The following MGAT4A variants were observed in gnomAD, a reference collection of about 807,000 sequenced individuals.
MGAT4A encodes N-acetylglucosaminyltransferase IVa.
In MGAT4A, 33 loss-of-function variants were observed where a neutral mutation model predicts 74.1. That is an observed-to-expected ratio of 0.45 (90% confidence interval 0.34 to 0.60). The LOEUF (loss-of-function observed/expected upper bound fraction) is 0.60, where lower values mean the gene tolerates loss of function less well. MGAT4A is among the 20% of genes least tolerant of loss of function. The pLI is 0.02. For missense variants in MGAT4A, 479 were observed against 628.3 expected, an observed-to-expected ratio of 0.76 and a Z score of 2.54; for synonymous variants, 198 against 210.4, an observed-to-expected ratio of 0.94 and a Z score of 0.51.
intron 8 of MGAT4A, among the ~76,000 whole-genome samples, chr2:98,647,373 G>C (rs1306822696): frequency 6.6e-6 from 1 of 152,134 alleles, no homozygotes; most frequent in East Asian, 1.9e-4. Context: ...GGAGTGCAGT[G>C]GTACAATCTC....
Position 98,678,359 on chromosome 2 carries a change from G to C in MGAT4A, c.207C>G (p.Phe69Leu), listed in dbSNP as rs770106129. The change falls in exon 3 of 16, where the codon TTC (phenylalanine) becomes TTG (leucine). Residue 69 changes from phenylalanine (F) to leucine (L), a missense_variant. This residue lies in a region of MGAT4A where 205 missense variants were observed against 232.7 expected (regional missense o/e 0.88). Transcript: ENST00000393487. ...SSELNTIVQQ[F>L]KRVGAETNGS... ...CATTTGTTTCTGCTCCTACACGCTT[G>C]AACTGTTGCACAATCGTATTTAATT... is the stretch of plus-strand genomic sequence containing the variant. 1 of 1,559,194 alleles carries C rather than the reference G, an allele frequency of 6.4e-7. No homozygotes were observed. The highest frequency in any genetic ancestry group is 1.2e-5 in the South Asian group (1 of 81,386).
intron 8 of MGAT4A, among the ~76,000 whole-genome samples, chr2:98,655,232 C>T (rs1486321834): frequency 6.6e-6 from 1 of 152,002 alleles, no homozygotes; most frequent in African/African-American, 2.4e-5. Context: ...TTGCAGGTCC[C>T]CCGCTAAGTG....
intron 6 of MGAT4A, 125 bp from the exon 7 acceptor site, chr2:98,656,590 C>T (rs1328030943): frequency 1.7e-6 from 1 of 599,908 alleles, no homozygotes; most frequent in African/African-American, 1.9e-5. Flanking sequence ...AATGTTATGG[C>T]CGCAAGGTGT....
intron 12 of MGAT4A, among the ~76,000 whole-genome samples, chr2:98,638,474 C>T (rs1304713535): frequency 6.6e-6 from 1 of 152,194 alleles, no homozygotes; most frequent in Admixed American, 6.5e-5. Context: ...TTGATGACTG[C>T]TTACAGCATT....
chr2:98,647,516 A>G (rs1701507761), intron 8 of MGAT4A, among the ~76,000 whole-genome samples: 1 of 152,076 alleles, frequency 6.6e-6, no homozygotes, highest in South Asian at 2.1e-4. Context: ...ATGAGGTTTC[A>G]CCATGTTGGC....
At position 98,658,283 on chromosome 2, in the gene MGAT4A, G is replaced by A. The variant is rs575624015; in HGVS notation, c.538-19C>T. The A allele has an allele frequency of 6.8e-7, 1 of 1,477,988 alleles. No homozygotes were observed. The highest frequency in any genetic ancestry group is 9.2e-7 in the Non-Finnish European group (1 of 1,082,788). The allele number at this position is 1,477,988 out of a possible 1,614,324, so 91.6% of individuals were successfully genotyped here. On this transcript the variant is annotated intron_variant, in intron 5 of 15. Transcript: ENST00000393487. ...TATCTGTCTGGGAAAGAAAAAAAAT[G>A]TATCTATATTCAAGTTTTTATATTT... is the stretch of plus-strand genomic sequence containing the variant.
chr2:98,707,026 G>C (rs904573876), intron 2 of MGAT4A, among the ~76,000 whole-genome samples: 1 of 152,098 alleles, frequency 6.6e-6, no homozygotes, highest in Non-Finnish European at 1.5e-5. Context: ...GACCATCCTG[G>C]CCAACATGGT....
chr2:98,696,364 T>G (rs1010122920), intron 2 of MGAT4A, among the ~76,000 whole-genome samples: 3 of 152,228 alleles, frequency 2.0e-5, no homozygotes, highest in African/African-American at 7.2e-5. Flanking sequence ...TATCACATAT[T>G]GTAGAGGTCA....
Position 98,622,715 on chromosome 2 carries a change from T to C in MGAT4A, c.*2851A>G, listed in dbSNP as rs1701078868. The C allele has an allele frequency of 3.0e-6, 3 of 985,746 alleles. No individual in the cohort carries two copies. The highest frequency in any genetic ancestry group is 3.6e-6 in the Non-Finnish European group (3 of 830,194). The allele number at this position is 985,746 out of a possible 1,614,324, so 61.1% of individuals were successfully genotyped here. A position where few individuals can be genotyped will look rare whatever the true frequency, so the allele number is the denominator to read the frequency against. ...AGCACCCACCATAGGAGAGGACAGA[T>C]GAGCAGTATGAGCTGCAGGCTCGCC... On this transcript the variant is annotated 3_prime_UTR_variant, in exon 16 of 16. Transcript: ENST00000393487.
At chr2:98,638,300 T>C (rs1701353837) in intron 12 of MGAT4A, among the ~76,000 whole-genome samples, 1 of 152,220 alleles carries the variant, frequency 6.6e-6, no homozygotes, top group Non-Finnish European at 1.5e-5. Context: ...ATACTCTCTA[T>C]ATAGAATGCT....
intron 1 of MGAT4A, among the ~76,000 whole-genome samples, chr2:98,729,430 A>G (rs1702812493): frequency 6.6e-6 from 1 of 152,204 alleles, no homozygotes. Flanking sequence ...GCTGGCTTGT[A>G]AGACACAGGT....
chr2:98,721,411 G>T (rs1183008552), intron 2 of MGAT4A, among the ~76,000 whole-genome samples: 1 of 73,648 alleles, frequency 1.4e-5, no homozygotes, highest in East Asian at 4.4e-4. Flanking sequence ...TTCTGTTAAC[G>T]ATTTAAAAAG....
chr2:98,625,617 A>G (rs1288304151), intron 15 of MGAT4A, 25 bp from the exon 16 acceptor site: 2 of 1,590,644 alleles, frequency 1.3e-6, no homozygotes, highest in Admixed American at 3.5e-5. Context: ...CATAAAAGGT[A>G]TGATAAAGCT....
intron 8 of MGAT4A, among the ~76,000 whole-genome samples, chr2:98,651,129 G>A (rs1392904430): frequency 6.6e-6 from 1 of 152,070 alleles, no homozygotes. Context: ...AGCTGAGTGA[G>A]TTCATCACCA....
intron 2 of MGAT4A, among the ~76,000 whole-genome samples, chr2:98,718,759 G>C (rs1390750585): frequency 6.6e-6 from 1 of 152,176 alleles, no homozygotes; most frequent in African/African-American, 2.4e-5. Context: ...CCTGCTGATG[G>C]AATGCAGGCT....
At chr2:98,678,272 T>C (rs954794395) in intron 3 of MGAT4A, 32 bp downstream of exon 3, 13 of 627,986 alleles carry the variant, frequency 2.1e-5, no homozygotes, top group African/African-American at 4.2e-5. Context: ...ATATATAAAA[T>C]CTTTTTATAA....
intron 10 of MGAT4A, among the ~76,000 whole-genome samples, chr2:98,641,789 T>C (rs1378432236): frequency 3.3e-5 from 5 of 151,674 alleles, no homozygotes; most frequent in Non-Finnish European, 7.4e-5. Context: ...GGTCACGAGA[T>C]TGAGACCATT....
chr2:98,703,440 A>G (rs979674122), intron 2 of MGAT4A, among the ~76,000 whole-genome samples: 2 of 152,188 alleles, frequency 1.3e-5, no homozygotes, highest in African/African-American at 4.8e-5. Flanking sequence ...CCAAGCGTTC[A>G]CAGAAGGAAA....
At chr2:98,628,947 C>T (rs561625464) in intron 14 of MGAT4A, among the ~76,000 whole-genome samples, 11 of 152,166 alleles carry the variant, frequency 7.2e-5, no homozygotes, top group African/African-American at 1.9e-4. Flanking sequence ...GAAGCACACA[C>T]GCACACACTA....
Sources: allele counts gnomAD v4.1 joint callset (sites outside exome capture counted in the v4.1 genomes callset), GRCh38; gene constraint gnomAD v4.1.1; regional missense constraint gnomAD v4.1.1; transcripts MANE v1.5; gene names NCBI Gene and HGNC (gene_info 2026-07-23, HGNC 2026-07-21).